CCSER1: variants seen among roughly 807,000 people sequenced by gnomAD.
CCSER1 encodes coiled-coil serine rich protein 1.
CCSER1 carries 41 observed loss-of-function variants against 82.0 expected under a neutral mutation model. That is an observed-to-expected ratio of 0.50 (90% CI 0.39 to 0.65). The LOEUF (loss-of-function observed/expected upper bound fraction) is 0.65. CCSER1 is among the 30% of genes least tolerant of loss of function. The probability of loss-of-function intolerance (pLI) is 0.00; values close to 1 mark genes in which losing one functional copy is unlikely to be tolerated. For synonymous variants in CCSER1, 414 were observed against 383.9 expected (o/e 1.08, Z -0.92); for missense variants, 1,119 against 1,064.2 (o/e 1.05, Z -0.72).
intron 10 of CCSER1, among the ~76,000 whole-genome samples, chr4:91,431,261 A>G (rs958810362): frequency 2.0e-5 from 3 of 152,150 alleles, no homozygotes; most frequent in African/African-American, 7.2e-5. Context: ...AACAACAACA[A>G]AAACAAACAT....
intron 6 of CCSER1, among the ~76,000 whole-genome samples, chr4:90,670,099 A>T (rs1440161948): frequency 6.6e-6 from 1 of 152,108 alleles, no homozygotes; most frequent in Non-Finnish European, 1.5e-5. Context: ...ATTTAAGAAG[A>T]TTCTCATTGT....
At chr4:91,558,780 T>C (rs911987084) in intron 10 of CCSER1, among the ~76,000 whole-genome samples, 1 of 151,562 alleles carries the variant, frequency 6.6e-6, no homozygotes, top group Non-Finnish European at 1.5e-5. Flanking sequence ...GCCCCCATGG[T>C]TCAATTACAT....
At chr4:90,524,613 C>T (rs1224392582) in intron 5 of CCSER1, among the ~76,000 whole-genome samples, 8 of 151,996 alleles carry the variant, frequency 5.3e-5, no homozygotes, top group Non-Finnish European at 8.8e-5. Context: ...GGACTACGGG[C>T]GCGTGCCACT....
intron 10 of CCSER1, among the ~76,000 whole-genome samples, chr4:91,585,417 A>G (rs1481137148): frequency 6.6e-6 from 1 of 151,432 alleles, no homozygotes; most frequent in Non-Finnish European, 1.5e-5. Flanking sequence ...ACTAAGGTAA[A>G]TGCTGGGAGA....
intron 9 of CCSER1, among the ~76,000 whole-genome samples, chr4:91,057,650 T>C (rs1332224627): frequency 2.0e-5 from 3 of 152,304 alleles, no homozygotes; most frequent in African/African-American, 7.2e-5. Context: ...AGTTTTGCTC[T>C]AAGAACAAGC....
chr4:91,568,778 G>T (rs909822303), intron 10 of CCSER1, among the ~76,000 whole-genome samples: 3 of 151,740 alleles, frequency 2.0e-5, no homozygotes, highest in Non-Finnish European at 4.4e-5. Context: ...CTTAGACTGG[G>T]TTTAGCCATC....
chr4:90,759,696 T>C (rs1580341150), intron 7 of CCSER1, among the ~76,000 whole-genome samples: 2 of 152,184 alleles, frequency 1.3e-5, no homozygotes, highest in African/African-American at 4.8e-5. Context: ...AACTAGAAAA[T>C]TGTTTGTCCC....
intron 7 of CCSER1, among the ~76,000 whole-genome samples, chr4:90,726,556 A>G (rs1389846726): frequency 6.6e-6 from 1 of 152,018 alleles, no homozygotes; most frequent in Non-Finnish European, 1.5e-5. Context: ...ATTTTTTCCA[A>G]TATGGCAGCA....
chr4:91,204,932 TAAA>T (rs1238197873), intron 10 of CCSER1, among the ~76,000 whole-genome samples: 1 of 151,696 alleles, frequency 6.6e-6, no homozygotes, highest in African/African-American at 2.4e-5. Flanking sequence ...TAAGTAACAA[TAAA>T]ATGCAGCACT....
intron 1 of CCSER1, among the ~76,000 whole-genome samples, chr4:90,255,966 G>A (rs530939642): frequency 6.6e-6 from 1 of 152,130 alleles, no homozygotes; most frequent in Non-Finnish European, 1.5e-5. Context: ...TGATGGAACT[G>A]TGGCATTTCT....
At chr4:90,192,268 A>G (rs576885874) in intron 1 of CCSER1, among the ~76,000 whole-genome samples, 38 of 152,118 alleles carry the variant, frequency 2.5e-4, no homozygotes, top group African/African-American at 8.9e-4. Flanking sequence ...ACTCACTATC[A>G]TGAGAACAGC....
intron 9 of CCSER1, among the ~76,000 whole-genome samples, chr4:90,935,353 G>A (rs1257922043): frequency 6.6e-6 from 1 of 152,138 alleles, no homozygotes; most frequent in Admixed American, 6.5e-5. Context: ...CTCTCGGGTA[G>A]TGAGTGTCCT....
At chr4:91,521,150 T>G (rs1027572789) in intron 10 of CCSER1, among the ~76,000 whole-genome samples, 1 of 152,196 alleles carries the variant, frequency 6.6e-6, no homozygotes, top group African/African-American at 2.4e-5. Context: ...TTTTCTGTCC[T>G]TGTGATAGTT....
chr4:91,450,977 C>T (rs1035946939), intron 10 of CCSER1, among the ~76,000 whole-genome samples: 2 of 152,024 alleles, frequency 1.3e-5, no homozygotes, highest in Admixed American at 1.3e-4. Context: ...ATACAATAGA[C>T]TGAGTGACCT....
intron 3 of CCSER1, among the ~76,000 whole-genome samples, chr4:90,334,200 T>C (rs77960034): frequency 0.024 from 3,689 of 152,066 alleles, 54 homozygotes; most frequent in South Asian, 0.045. Context: ...AGAGTTAGAA[T>C]AAAGGTGAGA....
chr4:90,605,685 C>G (rs770999926), intron 5 of CCSER1, among the ~76,000 whole-genome samples: 1 of 152,112 alleles, frequency 6.6e-6, no homozygotes, highest in Non-Finnish European at 1.5e-5. Flanking sequence ...GTACTAGTGA[C>G]AGTTGAATTA....
chr4:90,455,215 A>G (rs1762011050), intron 4 of CCSER1, among the ~76,000 whole-genome samples: 1 of 152,232 alleles, frequency 6.6e-6, no homozygotes, highest in Non-Finnish European at 1.5e-5. Flanking sequence ...TCAGAATGGT[A>G]TTAAAATTAA....
intron 7 of CCSER1, among the ~76,000 whole-genome samples, chr4:90,802,806 T>C (rs1297932449): frequency 1.3e-5 from 2 of 152,202 alleles, no homozygotes; most frequent in Non-Finnish European, 2.9e-5. Flanking sequence ...GTCACTTATT[T>C]AGGTAGAGCA....
At chr4:90,528,803 G>T (rs756993561) in intron 5 of CCSER1, among the ~76,000 whole-genome samples, 25 of 152,156 alleles carry the variant, frequency 1.6e-4, no homozygotes, top group Non-Finnish European at 2.9e-4. Flanking sequence ...AGTTTTAAAG[G>T]TAATATTAGG....
Sources: gnomAD v4.1 joint callset for allele counts (sites outside exome capture counted in the v4.1 genomes callset) on GRCh38, gnomAD v4.1.1 for gene constraint, MANE v1.5 for transcripts, NCBI Gene and HGNC (gene_info 2026-07-23, HGNC 2026-07-21) for gene names.